PIK3CD: variants seen among roughly 807,000 people sequenced by gnomAD.
The protein encoded by PIK3CD is phosphatidylinositol 4,5-bisphosphate 3-kinase catalytic subunit delta isoform.
Under a neutral mutation model 122.9 loss-of-function variants are expected in PIK3CD, and 20 were observed. The ratio of observed to expected loss-of-function variants is 0.16; its 90% CI spans 0.11 to 0.24. PIK3CD has a LOEUF of 0.24. Ranked by LOEUF, PIK3CD falls within the 10% of genes least tolerant of loss-of-function variation. PIK3CD has a pLI of 1.00. For synonymous variants in PIK3CD, 596 were observed against 593.4 expected (o/e 1.00, Z -0.06); for missense variants, 787 against 1,406.3 (o/e 0.56, Z 7.04).
upstream of PIK3CD, among the ~76,000 whole-genome samples, chr1:9,651,421 A>G (rs1273068234): frequency 6.6e-6 from 1 of 152,156 alleles, no homozygotes; most frequent in Non-Finnish European, 1.5e-5. Context: ...GCTCCTGCTG[A>G]AATTCTTTCC....
chr1:9,712,814 T>C (rs1647109520), intron 3 of PIK3CD, among the ~76,000 whole-genome samples: 1 of 152,176 alleles, frequency 6.6e-6, no homozygotes, highest in South Asian at 2.1e-4. Context: ...GGCAGGAGAA[T>C]TGCTTGAGCC....
rs971606791 is a variant in PIK3CD at position 9,718,382 on chromosome 1, G to C, written c.1021-312G>C. 6.6e-6 allele frequency among the ~76,000 whole-genome samples: 1 copy of C among 152,080 alleles called. No individual in the cohort carries two copies. Among genetic ancestry groups the C allele is most frequent in the Non-Finnish European group, 1.5e-5 (1 of 68,006 alleles). Reference sequence around the variant, plus strand: ...AAGTCCAGGGAGCCCTAGGATGTTAGAGCAAGGGTCCCTGAAGTTCTTGAT... The same window carrying C: ...AAGTCCAGGGAGCCCTAGGATGTTACAGCAAGGGTCCCTGAAGTTCTTGAT... On this transcript the variant is annotated intron_variant, in intron 8 of 23. Transcript: ENST00000377346. This position sits in a 1 kb window ranked among gnomAD's most constrained non-coding sequence, Gnocchi z 7.2.
rs1447025836 is a variant in PIK3CD, at chr1:9,707,840, C to G, written c.-32-2584C>G. On this transcript the variant is annotated intron_variant, in intron 2 of 23. Coordinates refer to ENST00000377346, the MANE Select transcript of PIK3CD (RefSeq NM_005026.5). ...ATGGAGTCTCAGTCTGTCGCCCAGG[C>G]TAGAGTACAGTGGCGCGATCTCGGC... Among the ~76,000 whole-genome samples the G allele has an allele frequency of 2.0e-5, 3 of 149,494 alleles. No individual in the cohort carries two copies. In the Admixed American group the frequency reaches 2.0e-4, roughly 10 times the overall value.
chr1:9,723,149 C>A lies in PIK3CD; in HGVS notation c.2451C>A (p.Pro817=). The change falls in exon 20 of 24, where the codon CCC becomes CCA. Residue 817 remains proline (P), a synonymous_variant. Transcript: ENST00000377346. This position sits in a 1 kb window ranked among gnomAD's most constrained non-coding sequence, Gnocchi z 4.9. ...GGATGACCCCCTATGGCTGCCTCCCCACCGGGGACCGCACAGGCCTCATTG... is the reference window on the plus strand; with the variant it reads ...GGATGACCCCCTATGGCTGCCTCCCAACCGGGGACCGCACAGGCCTCATTG... ...DLRMTPYGCL[P]TGDRTGLIEV... 1 of 1,613,754 alleles carries A rather than the reference C, an allele frequency of 6.2e-7. No homozygotes were observed. Among genetic ancestry groups the A allele is most frequent in the Non-Finnish European group, 8.5e-7 (1 of 1,180,020 alleles).
chr1:9,675,124 A>C (rs1390296226), intron 1 of PIK3CD, among the ~76,000 whole-genome samples: 1 of 150,996 alleles, frequency 6.6e-6, no homozygotes, highest in South Asian at 2.1e-4. Flanking sequence ...GGTGGCTCAC[A>C]CTTGTAATCC....
intron 1 of PIK3CD, among the ~76,000 whole-genome samples, chr1:9,665,654 C>T (rs558470066): frequency 2.6e-5 from 4 of 152,126 alleles, no homozygotes; most frequent in African/African-American, 4.8e-5. Context: ...GGAAATATTC[C>T]GCAGCCAGAT....
chr1:9,686,850 T>C (rs1205801930), intron 1 of PIK3CD, among the ~76,000 whole-genome samples: 2 of 152,222 alleles, frequency 1.3e-5, no homozygotes, highest in Non-Finnish European at 2.9e-5. Context: ...CTGTTATCCA[T>C]GTGTGAGAGC....
intron 2 of PIK3CD, among the ~76,000 whole-genome samples, chr1:9,707,336 T>C (rs1197704087): frequency 6.6e-6 from 1 of 151,654 alleles, no homozygotes; most frequent in East Asian, 1.9e-4. Flanking sequence ...TTTTTTTTTT[T>C]TCCTTGAGTG....
At chr1:9,631,132 C>T in the PIK3CD span, among the ~76,000 whole-genome samples, 2 of 152,206 alleles carry the variant, frequency 1.3e-5, no homozygotes, top group African/African-American at 4.8e-5. Flanking sequence ...CAGTGCCACT[C>T]ACCTGTCTGC....
chr1:9,636,343 A>G, the PIK3CD span, among the ~76,000 whole-genome samples: 1 of 152,104 alleles, frequency 6.6e-6, no homozygotes, highest in Non-Finnish European at 1.5e-5. Context: ...ACAGGTGCCC[A>G]CTACCATACC....
At position 9,717,572 on chromosome 1, in the gene PIK3CD, G is replaced by A. The variant is rs769665281; in HGVS notation, c.966G>A (p.Pro322=). The change falls in exon 8 of 24, where the codon CCG becomes CCA. Residue 322 remains proline (P), a synonymous_variant. Transcript: ENST00000377346. This position sits in a 1 kb window ranked among gnomAD's most constrained non-coding sequence, Gnocchi z 5.4. The stretch of plus-strand genomic sequence containing the variant: ...TGTCCCTGTGGTCCCTGGAGCAGCC[G>A]TTCCGCATCGAGCTCATCCAGGGCA... The part of the protein sequence containing the change: ...SSVSLWSLEQ[P]FRIELIQGSK... The A allele has an allele frequency of 5.3e-5, 85 of 1,613,974 alleles. No homozygotes were observed. Among genetic ancestry groups the A allele is most frequent in the Non-Finnish European group, 6.6e-5 (78 of 1,180,042 alleles).
intron 2 of PIK3CD, among the ~76,000 whole-genome samples, chr1:9,702,230 G>A (rs985857960): frequency 2.6e-5 from 4 of 151,732 alleles, no homozygotes; most frequent in African/African-American, 9.7e-5. Context: ...CCTGACCTCA[G>A]GTGATCTACC....
chr1:9,681,414 T>G (rs1019700902), intron 1 of PIK3CD, among the ~76,000 whole-genome samples: 5 of 152,124 alleles, frequency 3.3e-5, no homozygotes, highest in African/African-American at 1.2e-4. Context: ...CTGCTGCTGC[T>G]TTTTTTGTTT....
chr1:9,674,308 T>C (rs1246223777), intron 1 of PIK3CD, among the ~76,000 whole-genome samples: 1 of 152,210 alleles, frequency 6.6e-6, no homozygotes, highest in Admixed American at 6.5e-5. Flanking sequence ...TAACGTAGCT[T>C]GCCGTTTCTG....
chr1:9,683,330 C>G (rs1169271922), intron 1 of PIK3CD, among the ~76,000 whole-genome samples: 4 of 150,766 alleles, frequency 2.7e-5, no homozygotes, highest in Non-Finnish European at 5.9e-5. Flanking sequence ...CCCAGCTACT[C>G]GGGAGGCTGA....
chr1:9,678,657 G>T (rs185170370), intron 1 of PIK3CD, among the ~76,000 whole-genome samples: 3 of 152,126 alleles, frequency 2.0e-5, no homozygotes, highest in African/African-American at 7.2e-5. Flanking sequence ...CTTCTCTGTC[G>T]TATGAGATTC....
chr1:9,658,137 C>T (rs75306804), intron 1 of PIK3CD, among the ~76,000 whole-genome samples: 2 of 152,010 alleles, frequency 1.3e-5, no homozygotes, highest in East Asian at 3.9e-4. Flanking sequence ...ATTCCTAATG[C>T]TTTGGGAAGC....
At chr1:9,694,506 C>T (rs536404912) in intron 2 of PIK3CD, among the ~76,000 whole-genome samples, 2 of 152,130 alleles carry the variant, frequency 1.3e-5, no homozygotes, top group African/African-American at 2.4e-5. Flanking sequence ...TGCACTTCAG[C>T]GTGAGCGACA....
intron 1 of PIK3CD, chr1:9,687,576 GGGA>G (rs925355962): frequency 4.6e-5 from 7 of 152,154 alleles, no homozygotes; most frequent in Admixed American, 2.6e-4. Flanking sequence ...AGGGAGAGAT[GGGA>G]GGGCGTGGGG....
Sources: allele counts gnomAD v4.1 joint callset (sites outside exome capture counted in the v4.1 genomes callset), GRCh38; gene constraint gnomAD v4.1.1; non-coding constraint Gnocchi (gnomAD v3.1); transcripts MANE v1.5; gene names NCBI Gene and HGNC (gene_info 2026-07-23, HGNC 2026-07-21).